The following TOPBP1 variants were observed in gnomAD, a reference collection of about 807,000 sequenced individuals.
TOPBP1 encodes DNA topoisomerase 2-binding protein 1.
Under a neutral mutation model 167.7 loss-of-function variants are expected in TOPBP1, and 28 were observed. The ratio of observed to expected loss-of-function variants is 0.17; its 90% confidence interval spans 0.12 to 0.23. The LOEUF (loss-of-function observed/expected upper bound fraction) is 0.23, where lower values mean the gene tolerates loss of function less well. Among genes scored for constraint, TOPBP1 ranks in the 10% least tolerant of loss-of-function variants. The pLI is 1.00. For synonymous variants in TOPBP1, 598 were observed against 611.4 expected, an observed-to-expected ratio of 0.98 and a Z score of 0.32; for missense variants, 1,554 against 1,809.6, an observed-to-expected ratio of 0.86 and a Z score of 2.56.
chr3:133,623,921 T>C, intron 17 of TOPBP1, 131 bp downstream of exon 17: 2 of 1,136,762 alleles, frequency 1.8e-6, no homozygotes, highest in Non-Finnish European at 2.4e-6. Context: ...CTGAAATGTG[T>C]ACAGTTAACC....
rs545103758 is a variant in TOPBP1 at position 133,619,456 on chromosome 3, T to G, written c.3371+699A>C. Among the ~76,000 whole-genome samples the G allele has an allele frequency of 2.0e-5, 3 of 152,260 alleles. No homozygotes were observed. In the East Asian group the frequency reaches 5.8e-4, roughly 29 times the overall value. On this transcript the variant is annotated intron_variant, in intron 20 of 27. Transcript: ENST00000260810. The stretch of plus-strand genomic sequence containing the variant: ...TAATTCTTATCACACAATTATAGAT[T>G]TTTTTCTTCTATCACGAAAAAGATG...
intron 3 of TOPBP1, 47 bp from the exon 4 acceptor site, chr3:133,657,988 C>G: frequency 7.1e-7 from 1 of 1,413,212 alleles, no homozygotes; most frequent in Non-Finnish European, 9.3e-7. Context: ...GAAAAGACCA[C>G]CAGTCTTACA....
chr3:133,630,622 G>A (rs1269766082), intron 14 of TOPBP1, among the ~76,000 whole-genome samples: 1 of 151,808 alleles, frequency 6.6e-6, no homozygotes, highest in African/African-American at 2.4e-5. Flanking sequence ...TTTTGAGACG[G>A]GGTCTTGCTC....
intron 19 of TOPBP1, among the ~76,000 whole-genome samples, chr3:133,622,600 GGA>G (rs1295584862): frequency 6.6e-6 from 1 of 152,056 alleles, no homozygotes; most frequent in African/African-American, 2.4e-5. Flanking sequence ...CTGGGGGGCT[GGA>G]GAATAAGGGT....
chr3:133,628,071 A>C (rs1935325750), intron 16 of TOPBP1: 1 of 347,906 alleles, frequency 2.9e-6, no homozygotes. Context: ...TTTAGACTAT[A>C]CTGATCCTTC....
chr3:133,655,184 A>G, intron 6 of TOPBP1, 106 bp downstream of exon 6: 1 of 703,994 alleles, frequency 1.4e-6, no homozygotes, highest in Non-Finnish European at 1.9e-6. Context: ...CAGCCTGGGC[A>G]ATAGAGCAAG....
At chr3:133,620,423 A>T in intron 19 of TOPBP1, 76 bp from the exon 20 acceptor site, 1 of 1,471,478 alleles carries the variant, frequency 6.8e-7, no homozygotes, top group Non-Finnish European at 9.1e-7. Flanking sequence ...TATTTTGTTT[A>T]GACCTGGTTG....
At chr3:133,643,845 T>C (rs2107815034) in intron 11 of TOPBP1, among the ~76,000 whole-genome samples, 175 bp downstream of exon 11, 1 of 152,326 alleles carries the variant, frequency 6.6e-6, no homozygotes, top group East Asian at 1.9e-4. Context: ...GTATCGGGAT[T>C]AGGCCAAGAA....
chr3:133,655,282 A>G lies in TOPBP1; in HGVS notation c.742+8T>C, dbSNP rs978401128. 2 of 1,385,982 alleles carry G rather than the reference A, an allele frequency of 1.4e-6. No homozygotes were observed. The highest frequency in any genetic ancestry group is 1.9e-6 in the Non-Finnish European group (2 of 1,061,294). 85.9% of individuals were successfully genotyped at this position (1,385,982 alleles called of 1,614,324 possible). ...TTTCATTTGTCCCTTTGTGAAACAC[A>G]GTTTTACCTTTTGGTTCTTGCACAA... On this transcript the variant is annotated splice_region_variant and intron_variant, in intron 6 of 27. Coordinates refer to ENST00000260810, the MANE Select transcript of TOPBP1 (RefSeq NM_007027.4).
At position 133,643,383 on chromosome 3, in the gene TOPBP1, CAA is replaced by C; in HGVS notation, c.1849-13_1849-12del. 6.4e-7 allele frequency: 1 copy of C among 1,554,700 alleles called. No individual in the cohort carries two copies. Among genetic ancestry groups the C allele is most frequent in the African/African-American group, 1.4e-5 (1 of 71,632 alleles). ...GTCTATGCAAGTAACCTTTTAAAAACAAAAGAAATAGTAAAGCCAACCTGAAA... is the reference window on the plus strand; with the variant it reads ...GTCTATGCAAGTAACCTTTTAAAAACAAGAAATAGTAAAGCCAACCTGAAA... On this transcript the variant is annotated splice_polypyrimidine_tract_variant and intron_variant, in intron 11 of 27. Coordinates refer to ENST00000260810, the MANE Select transcript of TOPBP1 (RefSeq NM_007027.4).
chr3:133,649,365 T>G lies in TOPBP1; in HGVS notation c.1504+18A>C. On this transcript the variant is annotated intron_variant, in intron 10 of 27. Coordinates refer to ENST00000260810, the MANE Select transcript of TOPBP1 (RefSeq NM_007027.4). The stretch of plus-strand genomic sequence containing the variant: ...AATATTTCTTACTAACTACAAATAC[T>G]AATCAAGCATTTCTTACCTACTGTG... 6.2e-7 allele frequency: 1 copy of G among 1,607,198 alleles called. No individual in the cohort carries two copies.
intron 19 of TOPBP1, among the ~76,000 whole-genome samples, chr3:133,620,643 G>A (rs892488518): frequency 6.7e-6 from 1 of 149,356 alleles, no homozygotes; most frequent in East Asian, 2.0e-4. Context: ...TGCGACCTCG[G>A]CTCACTGCAA....
intron 27 of TOPBP1, among the ~76,000 whole-genome samples, chr3:133,606,093 G>A (rs1307020549): frequency 6.6e-6 from 1 of 152,044 alleles, no homozygotes; most frequent in Non-Finnish European, 1.5e-5. Context: ...TTGGGAGGCT[G>A]AGGTGGATCT....
At chr3:133,631,666 A>T (rs1935485308) in intron 14 of TOPBP1, among the ~76,000 whole-genome samples, 1 of 152,024 alleles carries the variant, frequency 6.6e-6, no homozygotes, top group Non-Finnish European at 1.5e-5. Context: ...ATCTGGTTTG[A>T]GATGGAGTCT....
intron 14 of TOPBP1, among the ~76,000 whole-genome samples, chr3:133,633,361 G>A (rs1228654908): frequency 6.6e-6 from 1 of 152,126 alleles, no homozygotes; most frequent in Non-Finnish European, 1.5e-5. Context: ...CCTGGACATA[G>A]TTAACCCCTC....
At chr3:133,652,994 G>T (rs1438612607) in intron 7 of TOPBP1, among the ~76,000 whole-genome samples, 1 of 152,152 alleles carries the variant, frequency 6.6e-6, no homozygotes, top group African/African-American at 2.4e-5. Flanking sequence ...AAATACAGAT[G>T]ATCTATAACT....
intron 16 of TOPBP1, among the ~76,000 whole-genome samples, chr3:133,626,842 G>C (rs753064987): frequency 1.3e-5 from 2 of 152,014 alleles, no homozygotes; most frequent in Non-Finnish European, 2.9e-5. Flanking sequence ...AAGTAGGTAG[G>C]TTATATTTAT....
intron 16 of TOPBP1, among the ~76,000 whole-genome samples, chr3:133,627,747 G>C (rs1049473034): frequency 6.6e-6 from 1 of 152,118 alleles, no homozygotes; most frequent in Non-Finnish European, 1.5e-5. Context: ...AGTCAACTCA[G>C]GACTGGCTGA....
chr3:133,603,060 T>C (rs1158379467), intron 27 of TOPBP1, among the ~76,000 whole-genome samples: 2 of 152,070 alleles, frequency 1.3e-5, no homozygotes, highest in East Asian at 3.9e-4. Context: ...GACACCCAGC[T>C]AATTTTTGTA....
Sources: gnomAD v4.1 joint callset for allele counts (sites outside exome capture counted in the v4.1 genomes callset) on GRCh38, gnomAD v4.1.1 for gene constraint, MANE v1.5 for transcripts, NCBI Gene and HGNC (gene_info 2026-07-23, HGNC 2026-07-21) for gene names.